The following SRGAP2C variants were observed in gnomAD, a reference collection of about 807,000 sequenced individuals.
SRGAP2C encodes the protein SLIT-ROBO Rho GTPase activating protein 2C.
Under a neutral mutation model 25.1 loss-of-function variants are expected in SRGAP2C, and 15 were observed. The observed-to-expected ratio is 0.60, with a 90% CI of 0.40 to 0.92. SRGAP2C has a LOEUF of 0.92. Among genes scored for constraint, SRGAP2C ranks in the 40% least tolerant of loss-of-function variants. SRGAP2C has a pLI of 0.00. For synonymous variants in SRGAP2C, 44 were observed against 96.6 expected (o/e 0.46, Z 3.19); for missense variants, 144 against 264.4 (o/e 0.54, Z 3.16).
intron 2 of SRGAP2C, among the ~76,000 whole-genome samples, chr1:121,281,137 G>A (rs2101563789): frequency 6.6e-6 from 1 of 151,702 alleles, no homozygotes; most frequent in South Asian, 2.1e-4. Context: ...GGGGACCATT[G>A]TTTGTCTTTG....
At chr1:121,217,831 G>A (rs1203233239) in intron 2 of SRGAP2C, among the ~76,000 whole-genome samples, 4 of 151,972 alleles carry the variant, frequency 2.6e-5, no homozygotes, top group Non-Finnish European at 5.9e-5. Context: ...ACTATAAAGG[G>A]GTCTTGGGAA....
At chr1:121,211,460 C>CACAT (rs1655255287) in intron 2 of SRGAP2C, among the ~76,000 whole-genome samples, 1 of 146,270 alleles carries the variant, frequency 6.8e-6, no homozygotes, top group Non-Finnish European at 1.5e-5. Context: ...CACACACACA[C>CACAT]ATCTTACCTT....
At chr1:121,226,251 C>CA (rs1189951005) in intron 2 of SRGAP2C, among the ~76,000 whole-genome samples, 7,218 of 90,736 alleles carry the variant, frequency 0.08, 1,399 homozygotes, top group African/African-American at 0.3. Flanking sequence ...GAAGAAAAGA[C>CA]TTTTTTTTTT....
intron 3 of SRGAP2C, among the ~76,000 whole-genome samples, chr1:121,313,617 C>G (rs1658014207): frequency 7.8e-6 from 1 of 127,860 alleles, no homozygotes; most frequent in Non-Finnish European, 1.7e-5. Context: ...TTAGGGCAGG[C>G]CTGGTGGTGA....
chr1:121,287,441 G>A (rs1191260921), intron 3 of SRGAP2C, among the ~76,000 whole-genome samples: 12 of 131,980 alleles, frequency 9.1e-5, no homozygotes, highest in East Asian at 6.8e-4. Context: ...ATAAAAAAAT[G>A]TTATTTTAGT....
At chr1:121,372,293 C>T (rs1259487846) in intron 5 of SRGAP2C, among the ~76,000 whole-genome samples, 10 of 152,164 alleles carry the variant, frequency 6.6e-5, no homozygotes, top group Admixed American at 5.2e-4. Flanking sequence ...ATTTTCTCAA[C>T]GTCAGCACCA....
chr1:121,321,963 T>C (rs1401290247), intron 3 of SRGAP2C, among the ~76,000 whole-genome samples: 2 of 151,492 alleles, frequency 1.3e-5, no homozygotes, highest in African/African-American at 4.9e-5. Flanking sequence ...TACTTTACTA[T>C]AGGTCTTTCT....
chr1:121,375,982 G>T (rs1553353077), intron 7 of SRGAP2C, among the ~76,000 whole-genome samples: 1 of 150,580 alleles, frequency 6.6e-6, no homozygotes, highest in South Asian at 2.1e-4. Context: ...CATGTGTTTT[G>T]CAAGGGGCAA....
At chr1:121,312,293 T>G (rs1657982546) in intron 3 of SRGAP2C, among the ~76,000 whole-genome samples, 1 of 51,956 alleles carries the variant, frequency 1.9e-5, no homozygotes, top group Non-Finnish European at 3.9e-5. Context: ...TTTTTTATTG[T>G]GTCTGTTTGA....
chr1:121,264,713 T>A (rs1656721997), intron 2 of SRGAP2C, among the ~76,000 whole-genome samples: 1 of 151,214 alleles, frequency 6.6e-6, no homozygotes, highest in South Asian at 2.1e-4. Context: ...GACCAATTTC[T>A]GTATACTCCT....
At chr1:121,355,305 CTTTTTTTTTTT>C (rs1203362201) in intron 4 of SRGAP2C, among the ~76,000 whole-genome samples, 1 of 37,270 alleles carries the variant, frequency 2.7e-5, no homozygotes, top group Non-Finnish European at 4.5e-5. Flanking sequence ...GATACACATT[CTTTTTTTTTTT>C]TTTTTTTTTT....
rs1490615223 is a variant in SRGAP2C at position 121,214,389 on chromosome 1, TA to T, written c.67+26877del. ...GACATGGCCAAGGTCACACAGTTAA[TA>T]GGGCAGGATCAGAATTTAGAATGCA... is the stretch of plus-strand genomic sequence containing the variant. On this transcript the variant is annotated intron_variant, in intron 2 of 9. Transcript: ENST00000367123. Among the ~76,000 whole-genome samples the T allele has an allele frequency of 2.2e-5, 3 of 138,630 alleles. No homozygotes were observed. In the East Asian group the frequency reaches 6.3e-4, roughly 29 times the overall value. 90.9% of individuals were successfully genotyped at this position (138,630 alleles called of 152,430 possible).
At chr1:121,238,310 G>A (rs1656007229) in intron 2 of SRGAP2C, among the ~76,000 whole-genome samples, 1 of 151,664 alleles carries the variant, frequency 6.6e-6, no homozygotes, top group Non-Finnish European at 1.5e-5. Flanking sequence ...GGTACTTATT[G>A]AGTTACCACA....
At chr1:121,365,944 A>G (rs1161925281) in intron 5 of SRGAP2C, among the ~76,000 whole-genome samples, 3 of 146,278 alleles carry the variant, frequency 2.1e-5, no homozygotes, top group Non-Finnish European at 4.5e-5. Context: ...AGAGAACACA[A>G]TCTGTTCTGA....
chr1:121,271,132 T>G (rs1656946660), intron 2 of SRGAP2C, among the ~76,000 whole-genome samples: 1 of 151,400 alleles, frequency 6.6e-6, no homozygotes, highest in African/African-American at 2.4e-5. Context: ...GTTTTGTTTT[T>G]TTAAACTTAA....
At chr1:121,308,854 G>C (rs1177359634) in intron 3 of SRGAP2C, among the ~76,000 whole-genome samples, 3 of 142,530 alleles carry the variant, frequency 2.1e-5, no homozygotes, top group Non-Finnish European at 4.6e-5. Flanking sequence ...CAGGAGAATC[G>C]CTTGAACCCA....
chr1:121,335,938 GA>G (rs1329794968), intron 4 of SRGAP2C, among the ~76,000 whole-genome samples: 2 of 151,788 alleles, frequency 1.3e-5, no homozygotes, highest in Non-Finnish European at 1.5e-5. Context: ...TTTATTCTAG[GA>G]GGCTATTAAA....
intron 4 of SRGAP2C, among the ~76,000 whole-genome samples, chr1:121,343,366 T>C (rs1244189253): frequency 3.9e-5 from 6 of 152,092 alleles, no homozygotes; most frequent in Non-Finnish European, 8.8e-5. Context: ...TAATTGTACC[T>C]GCTGGCATTA....
intron 2 of SRGAP2C, among the ~76,000 whole-genome samples, chr1:121,218,970 C>G (rs1655465253): frequency 6.6e-6 from 1 of 152,160 alleles, no homozygotes; most frequent in South Asian, 2.1e-4. Context: ...AGCTCCACCA[C>G]TACAACCTTT....
Sources: gnomAD v4.1 joint callset for allele counts (sites outside exome capture counted in the v4.1 genomes callset) on GRCh38, gnomAD v4.1.1 for gene constraint, MANE v1.5 for transcripts, NCBI Gene and HGNC (gene_info 2026-07-23, HGNC 2026-07-21) for gene names.